The following FERRY3 variants were observed in gnomAD, a reference collection of about 807,000 sequenced individuals.
The protein encoded by FERRY3 is protein C12orf4.
chr12:4,495,565 C>T, the FERRY3 span, among the ~76,000 whole-genome samples: 4 of 152,060 alleles, frequency 2.6e-5, no homozygotes, highest in Non-Finnish European at 5.9e-5. Flanking sequence ...TGAATACCCA[C>T]AAATAGAATA....
chr12:4,536,537 G>A, the FERRY3 span, among the ~76,000 whole-genome samples: 1 of 152,184 alleles, frequency 6.6e-6, no homozygotes, highest in African/African-American at 2.4e-5. Flanking sequence ...AATTCTTAGG[G>A]AGAGTTCATG....
the FERRY3 span, chr12:4,518,275 C>G: frequency 6.2e-7 from 1 of 1,608,498 alleles, no homozygotes; most frequent in Non-Finnish European, 8.5e-7. Context: ...GGCAATAGTC[C>G]AGGAAAGATA....
At chr12:4,502,966 A>G in the FERRY3 span, among the ~76,000 whole-genome samples, 1 of 152,202 alleles carries the variant, frequency 6.6e-6, no homozygotes, top group Non-Finnish European at 1.5e-5. The surrounding 1 kb of genome is among the most constrained non-coding windows in gnomAD (Gnocchi z 4.2). Context: ...AAAGACACAG[A>G]CTGCTTATCA....
At chr12:4,536,326 C>A in the FERRY3 span, 1 of 559,076 alleles carries the variant, frequency 1.8e-6, no homozygotes, top group Non-Finnish European at 2.8e-6. Context: ...TGTCTATGAG[C>A]CAATTATTCT....
At chr12:4,492,379 C>T in the FERRY3 span, among the ~76,000 whole-genome samples, 1 of 152,150 alleles carries the variant, frequency 6.6e-6, no homozygotes, top group African/African-American at 2.4e-5. Flanking sequence ...ACTCACTGGA[C>T]ACCCGTGCAA....
the FERRY3 span, chr12:4,488,845 G>A: frequency 3.3e-5 from 5 of 152,100 alleles, no homozygotes; most frequent in African/African-American, 9.7e-5. The surrounding 1 kb of genome is among the most constrained non-coding windows in gnomAD (Gnocchi z 4.9). Flanking sequence ...ACTACTTATA[G>A]CATTTAAATA....
At chr12:4,512,456 A>G in the FERRY3 span, among the ~76,000 whole-genome samples, 1 of 152,292 alleles carries the variant, frequency 6.6e-6, no homozygotes, top group East Asian at 1.9e-4. Context: ...ATTTTAGACC[A>G]ATATCCTTGA....
At chr12:4,490,116 A>T in the FERRY3 span, among the ~76,000 whole-genome samples, 13 of 152,180 alleles carry the variant, frequency 8.5e-5, 1 homozygote, top group Non-Finnish European at 1.3e-4. Flanking sequence ...CTGTCAAATA[A>T]TACGTTTGAG....
At chr12:4,503,953 G>T in the FERRY3 span, among the ~76,000 whole-genome samples, 1 of 152,198 alleles carries the variant, frequency 6.6e-6, no homozygotes, top group Non-Finnish European at 1.5e-5. Context: ...GATTTAAATT[G>T]TGGATCCATG....
the FERRY3 span, among the ~76,000 whole-genome samples, chr12:4,494,747 T>C: frequency 7.2e-5 from 11 of 152,340 alleles, no homozygotes; most frequent in African/African-American, 2.6e-4. Flanking sequence ...GGTTCTGAAA[T>C]TAGTTAGTGT....
the FERRY3 span, among the ~76,000 whole-genome samples, chr12:4,497,254 A>G: frequency 1.3e-5 from 2 of 152,296 alleles, no homozygotes; most frequent in South Asian, 4.1e-4. Flanking sequence ...TCACAAACAT[A>G]ATATTGAACG....
the FERRY3 span, chr12:4,525,097 T>C: frequency 1.1e-6 from 1 of 877,900 alleles, no homozygotes; most frequent in South Asian, 1.9e-5. Context: ...ACATAAAGCC[T>C]ATAATGCAAA....
the FERRY3 span, among the ~76,000 whole-genome samples, chr12:4,528,389 T>C: frequency 6.6e-6 from 1 of 152,190 alleles, no homozygotes; most frequent in South Asian, 2.1e-4. Context: ...CACAATTTTA[T>C]GGGCTACATA....
At chr12:4,498,163 A>T in the FERRY3 span, among the ~76,000 whole-genome samples, 2 of 152,236 alleles carry the variant, frequency 1.3e-5, no homozygotes, top group East Asian at 3.8e-4. Context: ...TAGTAGTATC[A>T]GATGTCTGGA....
At chr12:4,490,768 C>T in the FERRY3 span, among the ~76,000 whole-genome samples, 1 of 152,152 alleles carries the variant, frequency 6.6e-6, no homozygotes, top group Non-Finnish European at 1.5e-5. Flanking sequence ...ATTCCTAATT[C>T]TTCATGCCAG....
At chr12:4,512,373 C>T in the FERRY3 span, among the ~76,000 whole-genome samples, 1 of 152,204 alleles carries the variant, frequency 6.6e-6, no homozygotes, top group Non-Finnish European at 1.5e-5. Context: ...AGAGGGAATC[C>T]TCCCTAACTC....
chr12:4,532,161 C>A, the FERRY3 span, among the ~76,000 whole-genome samples: 1 of 142,204 alleles, frequency 7.0e-6, no homozygotes, highest in Non-Finnish European at 1.5e-5. Context: ...GAAGACAATT[C>A]TTCTTCCAGT....
chr12:4,523,472 A>G, the FERRY3 span, among the ~76,000 whole-genome samples: 1 of 152,250 alleles, frequency 6.6e-6, no homozygotes, highest in Non-Finnish European at 1.5e-5. Flanking sequence ...ATATACCCAA[A>G]GGATTATAAA....
At chr12:4,494,874 CAATTGAGATTTA>C in the FERRY3 span, among the ~76,000 whole-genome samples, 1 of 152,112 alleles carries the variant, frequency 6.6e-6, no homozygotes, top group Non-Finnish European at 1.5e-5. Context: ...ATAAGAATTC[CAATTGAGATTTA>C]AATCTATAGA....
Sources: gnomAD v4.1 joint callset for allele counts (sites outside exome capture counted in the v4.1 genomes callset) on GRCh38, gnomAD v4.1.1 for gene constraint, Gnocchi (gnomAD v3.1) non-coding constraint, MANE v1.5 for transcripts, NCBI Gene and HGNC (gene_info 2026-07-23, HGNC 2026-07-21) for gene names.